MYO10: variants seen among roughly 807,000 people sequenced by gnomAD.
MYO10 encodes the protein unconventional myosin-X.
A neutral mutation model predicts 257.3 loss-of-function variants in MYO10; 133 were observed. The observed-to-expected ratio is 0.52, with a 90% CI of 0.45 to 0.60. MYO10 has a LOEUF of 0.60. Among genes scored for constraint, MYO10 ranks in the 20% least tolerant of loss-of-function variants. The pLI, the probability that MYO10 is intolerant of heterozygous loss-of-function variation, is 0.00. For synonymous variants in MYO10, 1,104 were observed against 1,028.6 expected, an observed-to-expected ratio of 1.07 and a Z score of -1.40; for missense variants, 2,399 against 2,635.7, an observed-to-expected ratio of 0.91 and a Z score of 1.97.
chr5:16,808,460 G>A (rs1742339996), intron 3 of MYO10, among the ~76,000 whole-genome samples: 2 of 152,094 alleles, frequency 1.3e-5, no homozygotes, highest in Non-Finnish European at 2.9e-5. Flanking sequence ...GCAAAAGAGT[G>A]AGGTCTAAAT....
At chr5:16,817,474 C>T (rs182200055) in intron 3 of MYO10, among the ~76,000 whole-genome samples, 82 of 152,290 alleles carry the variant, frequency 5.4e-4, no homozygotes, top group African/African-American at 1.9e-3. Flanking sequence ...GAAAAATGTG[C>T]ATGACCACTT....
Position 16,798,055 on chromosome 5 carries a change from T to A in MYO10, c.280-3222A>T, listed in dbSNP as rs1024605190. Among the ~76,000 whole-genome samples, 6 of 152,206 alleles carry A rather than the reference T, an allele frequency of 3.9e-5. No homozygotes were observed. In the East Asian group the frequency reaches 1.2e-3, roughly 29 times the overall value. On this transcript the variant is annotated intron_variant, in intron 3 of 40. Coordinates refer to ENST00000513610, the MANE Select transcript of MYO10 (RefSeq NM_012334.3). The stretch of plus-strand genomic sequence containing the variant: ...TCTTAATAAAAGAGTAAGTTCGACA[T>A]GCATTCTCTCTGTCTCACACTCAAG...
In MYO10 at chr5:16,913,959, T is replaced by C. The variant is rs141712246; in HGVS notation, c.21+21829A>G. On this transcript the variant is annotated intron_variant, in intron 1 of 40. Transcript: ENST00000513610. Reference sequence around the variant, plus strand: ...GGGATACTACACTCAGCCCCTTTTATGGGATTTCAGTTAAGACAAGAAACA... The same window carrying C: ...GGGATACTACACTCAGCCCCTTTTACGGGATTTCAGTTAAGACAAGAAACA... Among the ~76,000 whole-genome samples the C allele has an allele frequency of 1.2e-4, 18 of 152,212 alleles. No individual in the cohort carries two copies. In the East Asian group the frequency reaches 3.3e-3, roughly 28 times the overall value.
At chr5:16,864,632 T>C (rs1289891501) in intron 2 of MYO10, among the ~76,000 whole-genome samples, 1 of 152,144 alleles carries the variant, frequency 6.6e-6, no homozygotes, top group Admixed American at 6.5e-5. Context: ...TCTCCCAGAT[T>C]ACAATAAATG....
intron 9 of MYO10, among the ~76,000 whole-genome samples, chr5:16,774,811 A>G (rs1473291603): frequency 6.6e-6 from 1 of 152,232 alleles, no homozygotes; most frequent in Non-Finnish European, 1.5e-5. Context: ...CAACACTGAA[A>G]GAGACTGACA....
At chr5:16,719,609 T>C (rs1433800996) in intron 19 of MYO10, among the ~76,000 whole-genome samples, 1 of 152,226 alleles carries the variant, frequency 6.6e-6, no homozygotes, top group Non-Finnish European at 1.5e-5. Context: ...TCTAAAACTT[T>C]CATGTGATCA....
In MYO10 at chr5:16,702,584, T is replaced by G. The variant is rs1215750960; in HGVS notation, c.2515A>C (p.Arg839=). ...TCGGCTTCTCTTCGCTCTCTCTCTC[T>G]TTCTCTAAAAATAGTAAAGGAAAAG... ...KKKREEEERE[R]ERERREAELR... The change falls in exon 24 of 41, where the codon AGA becomes CGA. Residue 839 remains arginine (R), a synonymous_variant. Coordinates refer to ENST00000513610, the MANE Select transcript of MYO10 (RefSeq NM_012334.3). 4.4e-6 allele frequency: 7 copies of G among 1,581,416 alleles called. No homozygotes were observed. Among genetic ancestry groups the G allele is most frequent in the Admixed American group, 1.8e-5 (1 of 54,936 alleles).
intron 1 of MYO10, among the ~76,000 whole-genome samples, chr5:16,900,200 T>C (rs1027946618): frequency 1.2e-4 from 19 of 152,194 alleles, no homozygotes; most frequent in Admixed American, 7.2e-4. Context: ...ATTTAAGTTA[T>C]TGGTCGTTCA....
chr5:16,897,253 A>G (rs1012074508), intron 1 of MYO10, among the ~76,000 whole-genome samples: 1 of 151,924 alleles, frequency 6.6e-6, no homozygotes, highest in African/African-American at 2.4e-5. Flanking sequence ...AGAAGTATAC[A>G]TAACAAAACT....
chr5:16,850,935 C>T (rs910609938), intron 2 of MYO10, among the ~76,000 whole-genome samples: 3 of 152,068 alleles, frequency 2.0e-5, no homozygotes, highest in Non-Finnish European at 2.9e-5. Flanking sequence ...GCTGGGACTA[C>T]AGGCATGCAC....
chr5:16,754,562 G>A (rs1168377676), intron 19 of MYO10, among the ~76,000 whole-genome samples: 13 of 146,196 alleles, frequency 8.9e-5, no homozygotes, highest in African/African-American at 2.3e-4. Context: ...TAAACCAAAC[G>A]CTAAAAAAAA....
At chr5:16,928,302 C>T (rs1746193607) in intron 1 of MYO10, among the ~76,000 whole-genome samples, 1 of 152,124 alleles carries the variant, frequency 6.6e-6, no homozygotes, top group Non-Finnish European at 1.5e-5. Flanking sequence ...TCAACCGATT[C>T]TCCTGCCTCA....
intron 19 of MYO10, among the ~76,000 whole-genome samples, chr5:16,714,591 C>CCAATAAGA (rs1738765898): frequency 6.6e-6 from 1 of 151,968 alleles, no homozygotes; most frequent in Non-Finnish European, 1.5e-5. Context: ...TGTCATGCAG[C>CCAATAAGA]CAATAAGACC....
At chr5:16,682,879 T>C (rs890228133) in intron 30 of MYO10, among the ~76,000 whole-genome samples, 31 of 151,974 alleles carry the variant, frequency 2.0e-4, no homozygotes, top group African/African-American at 7.5e-4. Context: ...TGAATGAGGA[T>C]GCAAAATTCT....
intron 19 of MYO10, among the ~76,000 whole-genome samples, chr5:16,728,685 T>C (rs182677228): frequency 0.011 from 1,735 of 152,276 alleles, 15 homozygotes; most frequent in Non-Finnish European, 0.016. Context: ...ATTATATACC[T>C]GGAGACCCTG....
intron 1 of MYO10, among the ~76,000 whole-genome samples, chr5:16,925,116 C>A (rs1392615758): frequency 1.3e-5 from 2 of 152,084 alleles, no homozygotes; most frequent in African/African-American, 4.8e-5. Context: ...CAGGCATGAG[C>A]CACTGCACCC....
intron 4 of MYO10, among the ~76,000 whole-genome samples, chr5:16,786,640 A>C (rs1221357877): frequency 6.6e-6 from 1 of 152,142 alleles, no homozygotes; most frequent in African/African-American, 2.4e-5. Context: ...GACCAGTATA[A>C]TGCAAAGATT....
intron 3 of MYO10, among the ~76,000 whole-genome samples, chr5:16,805,637 G>C (rs1365947666): frequency 1.3e-5 from 2 of 152,152 alleles, no homozygotes; most frequent in Admixed American, 6.5e-5. Flanking sequence ...TCCCAAACAC[G>C]AGGTGGGGCC....
intron 1 of MYO10, among the ~76,000 whole-genome samples, chr5:16,902,827 C>T (rs897390700): frequency 6.6e-6 from 1 of 152,170 alleles, no homozygotes; most frequent in Non-Finnish European, 1.5e-5. Context: ...ATTCATTTCA[C>T]CTGGAGAACA....
Sources: gnomAD v4.1 joint callset for allele counts (sites outside exome capture counted in the v4.1 genomes callset) on GRCh38, gnomAD v4.1.1 for gene constraint, MANE v1.5 for transcripts, NCBI Gene and HGNC (gene_info 2026-07-23, HGNC 2026-07-21) for gene names.